PRELID2: variants seen among roughly 807,000 people sequenced by gnomAD.
The protein encoded by PRELID2 is PRELI domain-containing protein 2.
A neutral mutation model predicts 28.4 loss-of-function variants in PRELID2; 25 were observed. That is an observed-to-expected ratio of 0.88 (90% confidence interval 0.64 to 1.23). The LOEUF (loss-of-function observed/expected upper bound fraction) is 1.23, where lower values mean the gene tolerates loss of function less well. Ranked by LOEUF, PRELID2 falls within the 50% of genes most tolerant of loss-of-function variation. The pLI is 0.00. For synonymous variants in PRELID2, 76 were observed against 71.6 expected (o/e 1.06, Z -0.31); for missense variants, 201 against 214.4 (o/e 0.94, Z 0.39).
At chr5:145,673,423 T>C (rs1754750112) in intron 1 of PRELID2, among the ~76,000 whole-genome samples, 1 of 151,806 alleles carries the variant, frequency 6.6e-6, no homozygotes. Flanking sequence ...ATAATAAGGG[T>C]AACCATTAGA....
intron 1 of PRELID2, among the ~76,000 whole-genome samples, chr5:145,662,951 T>C (rs997500432): frequency 2.6e-5 from 4 of 152,162 alleles, no homozygotes; most frequent in African/African-American, 9.7e-5. Flanking sequence ...ATTCTACACC[T>C]GTAATCGACA....
At chr5:145,713,103 G>C (rs1169314814) in intron 1 of PRELID2, among the ~76,000 whole-genome samples, 13 of 151,584 alleles carry the variant, frequency 8.6e-5, no homozygotes, top group Admixed American at 7.9e-4. Context: ...GTTCCAGACA[G>C]AGAGAATGAA....
At chr5:145,683,129 G>T (rs1484972087) in intron 1 of PRELID2, among the ~76,000 whole-genome samples, 2 of 152,120 alleles carry the variant, frequency 1.3e-5, no homozygotes, top group Non-Finnish European at 2.9e-5. Context: ...TAAGAACCTA[G>T]GTACTGGTGT....
intron 5 of PRELID2, among the ~76,000 whole-genome samples, chr5:145,778,335 G>A (rs1391315481): frequency 6.6e-6 from 1 of 152,116 alleles, no homozygotes; most frequent in Non-Finnish European, 1.5e-5. Flanking sequence ...CCTGCAGAGA[G>A]GAGCTTCTCA....
chr5:145,522,402 C>T (rs1438148963), intron 1 of PRELID2, among the ~76,000 whole-genome samples: 3 of 151,878 alleles, frequency 2.0e-5, no homozygotes, highest in Admixed American at 6.6e-5. Flanking sequence ...CAGAGACACA[C>T]ACACACACAC....
intron 1 of PRELID2, among the ~76,000 whole-genome samples, chr5:145,667,014 T>G (rs562968135): frequency 6.6e-6 from 1 of 152,088 alleles, no homozygotes; most frequent in Non-Finnish European, 1.5e-5. Flanking sequence ...TTTTTGTTAC[T>G]GGCAAAAGAC....
downstream of PRELID2, among the ~76,000 whole-genome samples, chr5:145,470,481 T>C (rs1021953397): frequency 6.6e-6 from 1 of 151,946 alleles, no homozygotes; most frequent in Non-Finnish European, 1.5e-5. Context: ...AGTTAGGTAA[T>C]TTTTATAACA....
rs966984071 is a variant in PRELID2 at position 145,757,394 on chromosome 5, G to A, written c.*3142C>T. ...CCACGAATCAGAATCGCTGGGGAAA[G>A]GGACTGAGAACCTGCACGTTAGCAC... On this transcript the variant is annotated 3_prime_UTR_variant, in exon 7 of 7. Coordinates refer to ENST00000683046, the MANE Select transcript of PRELID2 (RefSeq NM_205846.3). 6.6e-6 allele frequency among the ~76,000 whole-genome samples: 1 copy of A among 152,198 alleles called. No individual in the cohort carries two copies. The highest frequency in any genetic ancestry group is 1.5e-5 in the Non-Finnish European group (1 of 68,034).
intron 1 of PRELID2, among the ~76,000 whole-genome samples, chr5:145,493,931 G>A (rs1010034820): frequency 3.9e-5 from 6 of 152,092 alleles, no homozygotes; most frequent in African/African-American, 1.4e-4. Flanking sequence ...TGCTTTCATT[G>A]GAGTGTAAAT....
chr5:145,782,672 A>G lies in PRELID2; in HGVS notation c.474+13770T>C, dbSNP rs1751714187. On this transcript the variant is annotated intron_variant, in intron 5 of 6. Coordinates refer to ENST00000683046, the MANE Select transcript of PRELID2 (RefSeq NM_205846.3). ...CTTACCATGGCTTCTGCTAATTAGC[A>G]TTTTATAAAATTATGTTTCTTATTT... Among the ~76,000 whole-genome samples the G allele has an allele frequency of 4.6e-5, 7 of 152,218 alleles. No homozygotes were observed. The South Asian group carries it at 1.4e-3, about 32-fold the overall frequency.
At chr5:145,718,207 G>GA (rs985959686) in intron 1 of PRELID2, among the ~76,000 whole-genome samples, 2 of 151,704 alleles carry the variant, frequency 1.3e-5, no homozygotes, top group Admixed American at 6.6e-5. Flanking sequence ...CAAGCTATTA[G>GA]AAAAAATAAG....
At chr5:145,378,033 TTC>T in the PRELID2 span, among the ~76,000 whole-genome samples, 3 of 152,190 alleles carry the variant, frequency 2.0e-5, no homozygotes, top group African/African-American at 7.2e-5. Flanking sequence ...AGGATGTTAT[TTC>T]TCCTCATTTA....
chr5:145,624,996 G>A (rs533602528), intron 1 of PRELID2, among the ~76,000 whole-genome samples: 1 of 152,252 alleles, frequency 6.6e-6, no homozygotes, highest in African/African-American at 2.4e-5. Flanking sequence ...AACCTCATTA[G>A]TAGTCAGGAA....
At chr5:145,284,641 A>C in the PRELID2 span, among the ~76,000 whole-genome samples, 1 of 152,168 alleles carries the variant, frequency 6.6e-6, no homozygotes, top group African/African-American at 2.4e-5. Context: ...GACTTGCCCA[A>C]ACTAACACAA....
At chr5:145,583,015 T>C (rs2149625960) in intron 1 of PRELID2, among the ~76,000 whole-genome samples, 1 of 152,252 alleles carries the variant, frequency 6.6e-6, no homozygotes, top group South Asian at 2.1e-4. Context: ...CCAATATCCC[T>C]AATGAGCATC....
downstream of PRELID2, among the ~76,000 whole-genome samples, chr5:145,470,088 C>T (rs756428931): frequency 2.6e-5 from 4 of 152,212 alleles, no homozygotes; most frequent in East Asian, 5.8e-4. Flanking sequence ...TATTACTAAA[C>T]GTAAATCACA....
chr5:145,517,626 C>G (rs770406114), intron 1 of PRELID2, among the ~76,000 whole-genome samples: 1 of 152,144 alleles, frequency 6.6e-6, no homozygotes, highest in African/African-American at 2.4e-5. Context: ...TTTGACCCAG[C>G]CATTCCATTA....
At chr5:145,271,300 T>C in the PRELID2 span, among the ~76,000 whole-genome samples, 1 of 152,040 alleles carries the variant, frequency 6.6e-6, no homozygotes, top group Non-Finnish European at 1.5e-5. Context: ...CAGTAGCTCA[T>C]TGCAGCCTTG....
chr5:145,687,158 T>C (rs1293199850), intron 1 of PRELID2, among the ~76,000 whole-genome samples: 2 of 152,212 alleles, frequency 1.3e-5, no homozygotes, highest in Admixed American at 6.5e-5. Flanking sequence ...TCAATACTAC[T>C]GTTATTTAAC....
Sources: allele counts gnomAD v4.1 joint callset (sites outside exome capture counted in the v4.1 genomes callset), GRCh38; gene constraint gnomAD v4.1.1; transcripts MANE v1.5; gene names NCBI Gene and HGNC (gene_info 2026-07-23, HGNC 2026-07-21).